The following PCDH11X variants were observed in gnomAD, a reference collection of about 807,000 sequenced individuals.
The protein encoded by PCDH11X is protocadherin 11 X-linked.
In PCDH11X, 18 loss-of-function variants were observed where a neutral mutation model predicts 53.3. That is an observed-to-expected ratio of 0.34 (90% CI 0.23 to 0.50). PCDH11X has a LOEUF of 0.50. PCDH11X is among the 20% of genes least tolerant of loss of function. The pLI, the probability that PCDH11X is intolerant of heterozygous loss-of-function variation, is 0.98. For missense variants in PCDH11X, 570 were observed against 1,032.4 expected (o/e 0.55, Z 6.14); for synonymous variants, 279 against 393.3 (o/e 0.71, Z 3.44).
At chrX:92,456,946 G>A (rs748990714) in intron 9 of PCDH11X, among the ~76,000 whole-genome samples, 1 of 106,354 alleles carries the variant, frequency 9.4e-6, no homozygotes, top group Non-Finnish European at 1.9e-5. Context: ...ATTCCCATAT[G>A]TCTGGTTTAT....
intron 1 of PCDH11X, among the ~76,000 whole-genome samples, chrX:91,797,795 C>A (rs1285427566): frequency 1.6e-4 from 17 of 109,606 alleles, no homozygotes; most frequent in Non-Finnish European, 2.7e-4. Flanking sequence ...TTAATCATAT[C>A]CTTAGGGTAT....
At chrX:92,261,853 G>A (rs1334201694) in intron 7 of PCDH11X, among the ~76,000 whole-genome samples, 1 of 111,182 alleles carries the variant, frequency 9.0e-6, no homozygotes, top group African/African-American at 3.3e-5. Flanking sequence ...CACTTTCTTG[G>A]AAGAGATTAC....
At chrX:91,799,364 AG>A (rs1935850578) in intron 1 of PCDH11X, among the ~76,000 whole-genome samples, 1 of 111,958 alleles carries the variant, frequency 8.9e-6, no homozygotes, top group East Asian at 2.8e-4. Flanking sequence ...GAATTGTACT[AG>A]GCTCACAAGA....
intron 6 of PCDH11X, among the ~76,000 whole-genome samples, chrX:92,097,604 T>G (rs2064162856): frequency 9.0e-6 from 1 of 110,836 alleles, no homozygotes; most frequent in Admixed American, 9.8e-5. Flanking sequence ...ACTCAGTTAA[T>G]ACTTAAAGCT....
intron 6 of PCDH11X, among the ~76,000 whole-genome samples, chrX:92,031,004 C>G (rs1467145372): frequency 1.8e-5 from 2 of 110,184 alleles, no homozygotes; most frequent in Non-Finnish European, 3.8e-5. Flanking sequence ...ATATATGCAG[C>G]AGTGGGATGG....
At chrX:92,126,546 T>G (rs1470733488) in intron 6 of PCDH11X, among the ~76,000 whole-genome samples, 3 of 110,247 alleles carry the variant, frequency 2.7e-5, no homozygotes, top group Non-Finnish European at 3.8e-5. Context: ...GAAGCAGAGG[T>G]TGCAGTGAGC....
chrX:92,300,520 C>G (rs1267189042), intron 8 of PCDH11X, among the ~76,000 whole-genome samples: 1 of 110,982 alleles, frequency 9.0e-6, no homozygotes, highest in Non-Finnish European at 1.9e-5. Context: ...CACTGTCACC[C>G]GGGCTGGAAT....
At chrX:92,477,184 A>C (rs1196399587) in intron 10 of PCDH11X, among the ~76,000 whole-genome samples, 2 of 90,066 alleles carry the variant, frequency 2.2e-5, no homozygotes, top group Non-Finnish European at 4.3e-5. Flanking sequence ...CTTCCCTTCA[A>C]GATGGCGAAT....
chrX:92,113,579 G>A (rs1240311992), intron 6 of PCDH11X: 12 of 1,198,281 alleles, frequency 1.0e-5, no homozygotes, highest in Non-Finnish European at 1.1e-5. Context: ...GTGAAATCTC[G>A]AGCATGCATC....
At chrX:91,996,031 C>T (rs77418631) in intron 6 of PCDH11X, among the ~76,000 whole-genome samples, 1 of 104,950 alleles carries the variant, frequency 9.5e-6, no homozygotes, top group African/African-American at 3.5e-5. Context: ...TTAGTAGAGA[C>T]GGGGTTTCAC....
chrX:92,419,129 C>A (rs2071888369), intron 9 of PCDH11X, among the ~76,000 whole-genome samples: 3 of 104,023 alleles, frequency 2.9e-5, no homozygotes, highest in Non-Finnish European at 5.9e-5. Context: ...TATAAAATTT[C>A]ACTCCATATC....
intron 10 of PCDH11X, among the ~76,000 whole-genome samples, chrX:92,485,955 G>A (rs1313754735): frequency 9.0e-6 from 1 of 110,682 alleles, no homozygotes; most frequent in African/African-American, 3.3e-5. Flanking sequence ...TATTATAATA[G>A]ATTATCAGAT....
At chrX:92,256,042 G>A (rs62598500) in intron 7 of PCDH11X, among the ~76,000 whole-genome samples, 13,269 of 111,600 alleles carry the variant, frequency 0.12, 1,228 homozygotes, top group African/African-American at 0.3. Context: ...CCTCGCTGCC[G>A]CCTTGCAGTT....
At chrX:91,971,172 T>A (rs1225848616) in intron 6 of PCDH11X, among the ~76,000 whole-genome samples, 2 of 110,932 alleles carry the variant, frequency 1.8e-5, no homozygotes, top group Non-Finnish European at 3.8e-5. Flanking sequence ...ACTTGGGGAA[T>A]TTTTCTTGAT....
At chrX:92,492,574 A>C (rs758367841) in intron 10 of PCDH11X, among the ~76,000 whole-genome samples, 3 of 111,491 alleles carry the variant, frequency 2.7e-5, no homozygotes, top group South Asian at 7.5e-4. Context: ...TAATGAGCTG[A>C]AGTAAAACTA....
chrX:92,603,851 T>C (rs1046735514), intron 10 of PCDH11X, among the ~76,000 whole-genome samples: 10 of 104,900 alleles, frequency 9.5e-5, no homozygotes, highest in African/African-American at 3.5e-4. Context: ...TAAAAGCAAT[T>C]ATGTAGGTAA....
At chrX:91,981,698 T>C (rs935137003) in intron 6 of PCDH11X, among the ~76,000 whole-genome samples, 5 of 109,876 alleles carry the variant, frequency 4.6e-5, no homozygotes, top group African/African-American at 1.7e-4. Context: ...CTCACAATCA[T>C]AGTGGAAGGC....
chrX:92,021,949 C>A (rs1214652930), intron 6 of PCDH11X, among the ~76,000 whole-genome samples: 4 of 108,394 alleles, frequency 3.7e-5, no homozygotes, highest in African/African-American at 6.7e-5. Context: ...GAAATAAAAT[C>A]TGTTCCAGAC....
At chrX:92,053,581 T>G (rs2063397724) in intron 6 of PCDH11X, among the ~76,000 whole-genome samples, 1 of 106,920 alleles carries the variant, frequency 9.4e-6, no homozygotes, top group Non-Finnish European at 1.9e-5. Context: ...AGTCTTTTTT[T>G]TTTTTTTTTA....
Sources: gnomAD v4.1 joint callset for allele counts (sites outside exome capture counted in the v4.1 genomes callset) on GRCh38, gnomAD v4.1.1 for gene constraint, MANE v1.5 for transcripts, NCBI Gene and HGNC (gene_info 2026-07-23, HGNC 2026-07-21) for gene names.